Variants in EPHA6 observed in about 807,000 individuals in gnomAD.
The protein encoded by EPHA6 is ephrin type-A receptor 6.
EPHA6 carries 50 observed loss-of-function variants against 112.0 expected under a neutral mutation model. The observed-to-expected ratio is 0.45, with a 90% CI of 0.36 to 0.56. EPHA6 has a LOEUF of 0.56. Among genes scored for constraint, EPHA6 ranks in the 20% least tolerant of loss-of-function variants. EPHA6 has a pLI of 0.00. For missense variants in EPHA6, 1,280 were observed against 1,417.4 expected, an observed-to-expected ratio of 0.90 and a Z score of 1.56; for synonymous variants, 529 against 490.7, an observed-to-expected ratio of 1.08 and a Z score of -1.03.
chr3:97,549,834 T>G (rs1425918922), intron 11 of EPHA6, among the ~76,000 whole-genome samples: 2 of 151,566 alleles, frequency 1.3e-5, no homozygotes, highest in East Asian at 3.9e-4. Flanking sequence ...TAAAATAAAA[T>G]AAAATAAATA....
intron 14 of EPHA6, among the ~76,000 whole-genome samples, chr3:97,683,143 C>A (rs375139295): frequency 3.0e-4 from 45 of 152,192 alleles, no homozygotes; most frequent in South Asian, 2.7e-3. Flanking sequence ...TCTTAAAATG[C>A]TTTTGAATTA....
intron 11 of EPHA6, 142 bp downstream of exon 11, chr3:97,532,685 T>A (rs2107649820): frequency 1.5e-6 from 1 of 686,138 alleles, no homozygotes; most frequent in East Asian, 2.9e-5. Flanking sequence ...AGAGACTTGA[T>A]CCTAGGCTGT....
chr3:96,953,585 A>G (rs1308632312), intron 2 of EPHA6, among the ~76,000 whole-genome samples: 1 of 152,266 alleles, frequency 6.6e-6, no homozygotes, highest in East Asian at 1.9e-4. Flanking sequence ...AGCCAATTCT[A>G]CACTCTTTTC....
intron 3 of EPHA6, among the ~76,000 whole-genome samples, chr3:97,204,247 T>A (rs1434738872): frequency 1.3e-5 from 2 of 152,140 alleles, no homozygotes; most frequent in Admixed American, 6.6e-5. Flanking sequence ...TCCTATGTAC[T>A]AGGCTCCAGA....
intron 1 of EPHA6, among the ~76,000 whole-genome samples, chr3:96,823,705 G>T (rs2033448683): frequency 1.3e-5 from 2 of 151,732 alleles, no homozygotes; most frequent in South Asian, 2.1e-4. Context: ...CTAGCAATCA[G>T]CATTAATGCC....
At chr3:97,005,893 G>C (rs1159849090) in intron 3 of EPHA6, among the ~76,000 whole-genome samples, 1 of 152,064 alleles carries the variant, frequency 6.6e-6, no homozygotes, top group African/African-American at 2.4e-5. Flanking sequence ...TTTTGTCTTT[G>C]GTTCTATTTA....
intron 11 of EPHA6, among the ~76,000 whole-genome samples, chr3:97,582,560 C>A (rs957789162): frequency 6.6e-6 from 1 of 152,136 alleles, no homozygotes; most frequent in African/African-American, 2.4e-5. Flanking sequence ...ACCCTACCAC[C>A]AGTACCATTG....
rs2093714829 is a variant in EPHA6 at position 97,610,949 on chromosome 3, A to G, written c.2574+95A>G. The G allele has an allele frequency of 3.8e-6, 4 of 1,053,796 alleles. No homozygotes were observed. The Admixed American group carries it at 9.1e-5, about 24-fold the overall frequency. 65.3% of individuals were successfully genotyped at this position (1,053,796 alleles called of 1,614,324 possible). ...AATTAATTTTTGCATAATGTTATTC[A>G]TGGATTTTCTGTGAAGAATAGCAGT... On this transcript the variant is annotated intron_variant, in intron 13 of 17. Coordinates refer to ENST00000389672, the MANE Select transcript of EPHA6 (RefSeq NM_001080448.3).
intron 3 of EPHA6, among the ~76,000 whole-genome samples, chr3:97,208,555 G>T (rs2108509652): frequency 6.6e-6 from 1 of 152,120 alleles, no homozygotes; most frequent in Admixed American, 6.6e-5. Flanking sequence ...AGACCAGCTT[G>T]GGCAACATGG....
intron 16 of EPHA6, among the ~76,000 whole-genome samples, chr3:97,742,671 A>G (rs926150467): frequency 2.6e-5 from 4 of 152,134 alleles, no homozygotes; most frequent in Non-Finnish European, 4.4e-5. Context: ...AAATATCTGT[A>G]TCTATATCTA....
At chr3:97,110,807 G>C (rs2047700637) in intron 3 of EPHA6, among the ~76,000 whole-genome samples, 1 of 152,024 alleles carries the variant, frequency 6.6e-6, no homozygotes, top group African/African-American at 2.4e-5. Context: ...GGGGTTATAG[G>C]TGTGAGCCAC....
At chr3:96,854,257 G>A (rs1029186622) in intron 1 of EPHA6, among the ~76,000 whole-genome samples, 1 of 145,426 alleles carries the variant, frequency 6.9e-6, no homozygotes, top group African/African-American at 2.6e-5. Context: ...TCAGCTCACT[G>A]CAACCTCTGC....
chr3:96,882,730 CTGTGTGTGTGTGTGTGTG>C (rs1207060710), intron 2 of EPHA6, among the ~76,000 whole-genome samples: 50 of 129,238 alleles, frequency 3.9e-4, no homozygotes, highest in Non-Finnish European at 6.2e-4. Context: ...CATTGTGTGT[CTGTGTGTGTGTGTGTGTG>C]TGTGTGTGTG....
At chr3:97,715,052 C>T (rs1246512643) in intron 14 of EPHA6, among the ~76,000 whole-genome samples, 2 of 152,090 alleles carry the variant, frequency 1.3e-5, no homozygotes, top group African/African-American at 4.8e-5. Context: ...AGTTACTTTC[C>T]CTCTTGCTTA....
chr3:96,971,422 A>G (rs1319319954), intron 2 of EPHA6, among the ~76,000 whole-genome samples: 2 of 152,136 alleles, frequency 1.3e-5, no homozygotes, highest in African/African-American at 2.4e-5. Flanking sequence ...GTATCTGCAC[A>G]TGATGCATTT....
chr3:97,497,942 G>T (rs2092022444), intron 10 of EPHA6, among the ~76,000 whole-genome samples: 1 of 152,066 alleles, frequency 6.6e-6, no homozygotes, highest in African/African-American at 2.4e-5. Flanking sequence ...AAACCCATAA[G>T]AATTCAGGGA....
At position 97,150,629 on chromosome 3, in the gene EPHA6, G is replaced by T. The variant is rs949646141; in HGVS notation, c.1115-75635G>T. On this transcript the variant is annotated intron_variant, in intron 3 of 17. Transcript: ENST00000389672. ...GGTTGCCTTTATAACTGTGAGTAAT[G>T]AAGTTATTTGTCTCTGATCCAGGGA... 3.9e-5 allele frequency among the ~76,000 whole-genome samples: 6 copies of T among 152,134 alleles called. No homozygotes were observed. In the South Asian group the frequency reaches 1.2e-3, roughly 32 times the overall value.
intron 12 of EPHA6, among the ~76,000 whole-genome samples, chr3:97,608,874 T>G (rs1238272460): frequency 6.6e-6 from 1 of 151,256 alleles, no homozygotes; most frequent in Non-Finnish European, 1.5e-5. Flanking sequence ...ACCTATAGCA[T>G]AAAGGTTAAG....
chr3:96,833,520 A>G (rs2034215731), intron 1 of EPHA6, among the ~76,000 whole-genome samples: 1 of 151,964 alleles, frequency 6.6e-6, no homozygotes, highest in Non-Finnish European at 1.5e-5. Context: ...CAGAGTAAGG[A>G]TTTATAGCTA....
Sources: allele counts gnomAD v4.1 joint callset (sites outside exome capture counted in the v4.1 genomes callset), GRCh38; gene constraint gnomAD v4.1.1; transcripts MANE v1.5; gene names NCBI Gene and HGNC (gene_info 2026-07-23, HGNC 2026-07-21).